TBC1D2B: variants seen among roughly 807,000 people sequenced by gnomAD.
The protein encoded by TBC1D2B is TBC1 domain family, member 2B.
Under a neutral mutation model 100.8 loss-of-function variants are expected in TBC1D2B, and 64 were observed. The ratio of observed to expected loss-of-function variants is 0.64; its 90% CI spans 0.52 to 0.78. TBC1D2B has a LOEUF of 0.78. TBC1D2B is among the 30% of genes least tolerant of loss of function. TBC1D2B has a pLI of 0.00. For missense variants in TBC1D2B, 1,052 were observed against 1,218.4 expected, an observed-to-expected ratio of 0.86 and a Z score of 2.03; for synonymous variants, 480 against 479.7, an observed-to-expected ratio of 1.00 and a Z score of -0.01.
intron 9 of TBC1D2B, among the ~76,000 whole-genome samples, chr15:78,011,409 A>G (rs1323639349): frequency 1.3e-5 from 2 of 152,018 alleles, no homozygotes; most frequent in African/African-American, 2.4e-5. Flanking sequence ...CAGCTCATGC[A>G]TGGCTTACAG....
intron 3 of TBC1D2B, among the ~76,000 whole-genome samples, chr15:78,043,802 T>C (rs764623023): frequency 2.6e-5 from 4 of 151,988 alleles, no homozygotes; most frequent in Admixed American, 6.5e-5. Context: ...CAAGGTAGGA[T>C]TGCTTGAGCC....
intron 1 of TBC1D2B, among the ~76,000 whole-genome samples, chr15:78,066,743 TGCCTTACAGA>T (rs1349789171): frequency 6.6e-6 from 1 of 152,242 alleles, no homozygotes; most frequent in Admixed American, 6.5e-5. Context: ...CCAGAGGGTA[TGCCTTACAGA>T]GCAGAATGAA....
intron 6 of TBC1D2B, among the ~76,000 whole-genome samples, chr15:78,022,192 C>A (rs1222714751): frequency 1.3e-5 from 2 of 152,124 alleles, no homozygotes; most frequent in Non-Finnish European, 2.9e-5. Flanking sequence ...AACTCTGTCT[C>A]TACTAAAAAT....
At chr15:78,015,397 T>C (rs908967988) in intron 8 of TBC1D2B, among the ~76,000 whole-genome samples, 6 of 152,206 alleles carry the variant, frequency 3.9e-5, no homozygotes, top group African/African-American at 1.4e-4. Context: ...TAAGAAAAAG[T>C]TGAAAATAAA....
chr15:78,004,280 G>A (rs534530969), intron 10 of TBC1D2B, among the ~76,000 whole-genome samples: 1 of 152,332 alleles, frequency 6.6e-6, no homozygotes, highest in South Asian at 2.1e-4. Context: ...GGCCAGACAC[G>A]TGGACCATCC....
chr15:78,043,509 C>T (rs1779984659), intron 3 of TBC1D2B, among the ~76,000 whole-genome samples: 1 of 152,168 alleles, frequency 6.6e-6, no homozygotes, highest in African/African-American at 2.4e-5. Flanking sequence ...AAGTGATTTT[C>T]CCACCTCAGC....
At chr15:78,040,584 G>A (rs979754293) in intron 3 of TBC1D2B, among the ~76,000 whole-genome samples, 2 of 112,032 alleles carry the variant, frequency 1.8e-5, no homozygotes, top group African/African-American at 6.3e-5. Flanking sequence ...GAAAGGAAAG[G>A]GGAGAAAGAA....
intron 3 of TBC1D2B, among the ~76,000 whole-genome samples, chr15:78,037,266 A>G (rs551617871): frequency 6.6e-6 from 1 of 152,086 alleles, no homozygotes; most frequent in African/African-American, 2.4e-5. Flanking sequence ...CACTCTTGAG[A>G]CACACCCTGT....
intron 8 of TBC1D2B, among the ~76,000 whole-genome samples, chr15:78,013,656 G>A (rs1391289663): frequency 6.6e-6 from 1 of 152,074 alleles, no homozygotes; most frequent in Non-Finnish European, 1.5e-5. Context: ...ATTAATATAT[G>A]TGTATGTTTC....
chr15:78,022,864 A>T (rs1242393414), intron 6 of TBC1D2B, among the ~76,000 whole-genome samples: 29 of 151,288 alleles, frequency 1.9e-4, no homozygotes, highest in African/African-American at 5.3e-4. Context: ...TTTTTTTTTT[A>T]AATAGTAGAT....
At chr15:78,038,503 G>A (rs903371550) in intron 3 of TBC1D2B, among the ~76,000 whole-genome samples, 2 of 152,206 alleles carry the variant, frequency 1.3e-5, no homozygotes, top group African/African-American at 4.8e-5. Flanking sequence ...ACAGGGGTCA[G>A]ACCCCACGGG....
intron 2 of TBC1D2B, 93 bp downstream of exon 2, chr15:78,053,941 T>C (rs1193658484): frequency 4.5e-6 from 6 of 1,340,886 alleles, no homozygotes; most frequent in Middle Eastern, 2.5e-4. Flanking sequence ...TTATTTTCTT[T>C]CTAAATTCAT....
At chr15:78,036,684 G>T (rs2072953193) in intron 3 of TBC1D2B, among the ~76,000 whole-genome samples, 1 of 152,232 alleles carries the variant, frequency 6.6e-6, no homozygotes, top group African/African-American at 2.4e-5. Flanking sequence ...GTGAAGCTGA[G>T]TTTGAATTTC....
chr15:78,010,937 A>G (rs1028040641), intron 9 of TBC1D2B, among the ~76,000 whole-genome samples: 1 of 152,356 alleles, frequency 6.6e-6, no homozygotes, highest in South Asian at 2.1e-4. Flanking sequence ...TGATTCCATG[A>G]CAATGCCAGA....
intron 4 of TBC1D2B, among the ~76,000 whole-genome samples, chr15:78,027,837 G>GC (rs2072710752): frequency 6.6e-6 from 1 of 152,142 alleles, no homozygotes; most frequent in South Asian, 2.1e-4. Context: ...CTCGTACTGA[G>GC]CCCCTCTTCT....
rs1040126333 is a variant in TBC1D2B at position 78,033,661 on chromosome 15, T to C, written c.684-3491A>G. 2.0e-5 allele frequency among the ~76,000 whole-genome samples: 3 copies of C among 152,342 alleles called. No individual in the cohort carries two copies. In the East Asian group the frequency reaches 5.8e-4, roughly 29 times the overall value. ...AGGTGAACTTATTGGAGGTAAATTA[T>C]AACTCAATGAAGTTATTAAAATAAA... On this transcript the variant is annotated intron_variant, in intron 3 of 12. Transcript: ENST00000300584.
intron 1 of TBC1D2B, among the ~76,000 whole-genome samples, chr15:78,059,310 C>T (rs941984205): frequency 1.3e-5 from 2 of 152,212 alleles, no homozygotes; most frequent in African/African-American, 2.4e-5. Flanking sequence ...TGAATATAAA[C>T]ACTCAAATAT....
intron 11 of TBC1D2B, chr15:78,002,923 T>C (rs996607765): frequency 5.1e-6 from 1 of 194,664 alleles, no homozygotes; most frequent in African/African-American, 2.3e-5. Flanking sequence ...GGCTCTGAAG[T>C]TGGCTCCCCC....
intron 9 of TBC1D2B, among the ~76,000 whole-genome samples, chr15:78,010,339 G>C (rs890460576): frequency 6.6e-6 from 1 of 152,174 alleles, no homozygotes; most frequent in Non-Finnish European, 1.5e-5. Context: ...GGAGCAGCAG[G>C]ATGGAAAGGA....
Sources: allele counts gnomAD v4.1 joint callset (sites outside exome capture counted in the v4.1 genomes callset), GRCh38; gene constraint gnomAD v4.1.1; transcripts MANE v1.5; gene names NCBI Gene and HGNC (gene_info 2026-07-23, HGNC 2026-07-21).